The following ARVCF variants were observed in gnomAD, a reference collection of about 807,000 sequenced individuals.
ARVCF encodes the protein ARVCF delta catenin family member.
In ARVCF, 66 loss-of-function variants were observed where a neutral mutation model predicts 90.9. That is an observed-to-expected ratio of 0.73 (90% CI 0.60 to 0.89). The LOEUF (loss-of-function observed/expected upper bound fraction) is 0.89. Ranked by LOEUF, ARVCF falls within the 40% of genes least tolerant of loss-of-function variation. ARVCF has a pLI of 0.00. For synonymous variants in ARVCF, 653 were observed against 603.4 expected (o/e 1.08, Z -1.21); for missense variants, 1,469 against 1,382.3 (o/e 1.06, Z -1.00).
chr22:20,003,907 T>C (rs531090450), intron 2 of ARVCF, among the ~76,000 whole-genome samples: 89 of 152,166 alleles, frequency 5.8e-4, no homozygotes, highest in African/African-American at 1.9e-3. Flanking sequence ...ACATCCAAAT[T>C]AGAAAGAAAG....
Position 19,990,826 on chromosome 22 carries a change from A to C in ARVCF, c.-18-14T>G, listed in dbSNP as rs2146381642. 2 of 1,541,844 alleles carry C rather than the reference A, an allele frequency of 1.3e-6. No homozygotes were observed. Among genetic ancestry groups the C allele is most frequent in the East Asian group, 4.9e-5 (2 of 40,758 alleles). ...AGCGCCCGCCAGCTGCAGGCAAAGC[A>C]GAGTAAGCTCAGTGGGGTGGGGCAC... On this transcript the variant is annotated splice_polypyrimidine_tract_variant and intron_variant, in intron 2 of 19. Transcript: ENST00000263207.
rs1352032277 is a variant in ARVCF at position 19,981,930 on chromosome 22, T to C, written c.369+3A>G. On this transcript the variant is annotated splice_donor_region_variant and intron_variant, in intron 4 of 19. Coordinates refer to ENST00000263207, the MANE Select transcript of ARVCF (RefSeq NM_001670.3). The stretch of plus-strand genomic sequence containing the variant: ...CCCACCCACTGCCTGGGCCTGGCCA[T>C]ACCTTGGTCTCGGTGCGCCGGGTTG... 3.1e-6 allele frequency: 5 copies of C among 1,611,912 alleles called. No homozygotes were observed. The highest frequency in any genetic ancestry group is 4.2e-6 in the Non-Finnish European group (5 of 1,179,532).
chr22:19,974,811 C>T (rs1943059205), intron 11 of ARVCF, among the ~76,000 whole-genome samples: 2 of 152,218 alleles, frequency 1.3e-5, no homozygotes, highest in Non-Finnish European at 2.9e-5. Flanking sequence ...GCTGCCCTAG[C>T]AACAGGAGGC....
chr22:19,972,058 A>G, intron 17 of ARVCF, 87 bp from the exon 18 acceptor site: 1 of 1,295,146 alleles, frequency 7.7e-7, no homozygotes. Flanking sequence ...GACACAGGGG[A>G]CTCGTGGGAC....
At position 19,975,677 on chromosome 22, in the gene ARVCF, C is replaced by T; in HGVS notation, c.1960+9G>A. ...CCCAGTGGAGCTGGCTTCATCTCAG[C>T]CCACTCACCTTTGGCGGCCTCAGTT... On this transcript the variant is annotated intron_variant, in intron 11 of 19. Transcript: ENST00000263207. The T allele has an allele frequency of 6.2e-7, 1 of 1,613,468 alleles. No individual in the cohort carries two copies. Among genetic ancestry groups the T allele is most frequent in the South Asian group, 1.1e-5 (1 of 91,068 alleles).
intron 2 of ARVCF, among the ~76,000 whole-genome samples, chr22:19,997,238 C>A (rs560911133): frequency 6.6e-6 from 1 of 152,104 alleles, no homozygotes. Context: ...CTCTAGTGGC[C>A]GAACGAGCCC....
intron 11 of ARVCF, 35 bp downstream of exon 11, chr22:19,975,651 C>T: frequency 6.2e-7 from 1 of 1,611,718 alleles, no homozygotes; most frequent in Middle Eastern, 1.7e-4. Context: ...CCCAGACATC[C>T]CCCAGTGGAG....
At chr22:19,986,448 A>C (rs1943770273) in intron 3 of ARVCF, among the ~76,000 whole-genome samples, 1 of 152,060 alleles carries the variant, frequency 6.6e-6, no homozygotes, top group African/African-American at 2.4e-5. Flanking sequence ...TGAGAGGGGG[A>C]GGATCCCGTT....
At position 19,975,827 on chromosome 22, in the gene ARVCF, C is replaced by T. The variant is rs1303213072; in HGVS notation, c.1889-70G>A. On this transcript the variant is annotated intron_variant, in intron 10 of 19. Coordinates refer to ENST00000263207, the MANE Select transcript of ARVCF (RefSeq NM_001670.3). ...GAATGGGTGTATCAGGAGAGTTGGG[C>T]ACAGTTCTCTCCTACCCAGGCCCCA... 5.2e-6 allele frequency: 8 copies of T among 1,529,802 alleles called. No individual in the cohort carries two copies. The East Asian group carries it at 1.4e-4, about 26-fold the overall frequency. The allele number at this position is 1,529,802 out of a possible 1,614,324, so 94.8% of individuals were successfully genotyped here. A position where few individuals can be genotyped will look rare whatever the true frequency, so the allele number is the denominator to read the frequency against.
In ARVCF at chr22:19,971,271, G is replaced by A. The variant is rs1401865586; in HGVS notation, c.2846C>T (p.Ala949Val). The A allele has an allele frequency of 7.1e-6, 11 of 1,556,520 alleles. No homozygotes were observed. The highest frequency in any genetic ancestry group is 9.6e-6 in the Non-Finnish European group (11 of 1,149,448). ...PSRPAVRLVDAVGDAKPQPVD... is the reference protein window; with the variant it reads ...PSRPAVRLVDVVGDAKPQPVD... ...GGGCTGAGGCTTAGCGTCCCCTACG[G>A]CGTCCACCAGCCTGACCGCGGGCCT... The change falls in exon 19 of 20, where the codon GCC becomes GTC. Residue 949 changes from alanine to valine, a missense_variant. By Grantham distance (64) the Ala-to-Val change is moderately conservative (BLOSUM62 0). Transcript: ENST00000263207.
intron 2 of ARVCF, among the ~76,000 whole-genome samples, chr22:19,994,134 G>A (rs1342915138): frequency 2.6e-5 from 4 of 152,040 alleles, no homozygotes; most frequent in Non-Finnish European, 4.4e-5. Flanking sequence ...AATGAATGGA[G>A]GGTGGCTGGG....
chr22:20,008,259 C>A (rs1188620318), intron 2 of ARVCF, among the ~76,000 whole-genome samples: 1 of 152,178 alleles, frequency 6.6e-6, no homozygotes, highest in African/African-American at 2.4e-5. Flanking sequence ...AGGCACACGG[C>A]GGCTGATGGA....
rs746556144 is a variant in ARVCF, at chr22:19,972,946, A to G, written c.2529T>C (p.Gly843=). 2 of 1,613,834 alleles carry G rather than the reference A, an allele frequency of 1.2e-6. No homozygotes were observed. Among genetic ancestry groups the G allele is most frequent in the Non-Finnish European group, 8.5e-7 (1 of 1,180,018 alleles). The change falls in exon 15 of 20, where the codon GGT becomes GGC. Residue 843 remains glycine, a synonymous_variant. Transcript: ENST00000263207. ...KELRGTLQKD[G]WTKARFQSAA... ...GCACCTGGAAGCGCGCCTTGGTCCA[A>G]CCATCTTTCTGCAAGGTACCACGCA...
At chr22:19,974,280 T>A (rs748988551) in intron 11 of ARVCF, 41 bp from the exon 12 acceptor site, 1 of 1,563,838 alleles carries the variant, frequency 6.4e-7, no homozygotes, top group Non-Finnish European at 8.7e-7. Context: ...ACCCAGAATC[T>A]GCTCTCATCC....
intron 10 of ARVCF, among the ~76,000 whole-genome samples, chr22:19,976,348 C>T (rs557282015): frequency 1.3e-5 from 2 of 152,324 alleles, no homozygotes; most frequent in Admixed American, 6.5e-5. Flanking sequence ...CAGAAGGCAG[C>T]AGAGTGGAGC....
chr22:19,972,924 C>T lies in ARVCF; in HGVS notation c.2550+1G>A. 6.2e-7 allele frequency: 1 copy of T among 1,613,858 alleles called. No homozygotes were observed. Among genetic ancestry groups the T allele is most frequent in the Non-Finnish European group, 8.5e-7 (1 of 1,180,022 alleles). The stretch of plus-strand genomic sequence containing the variant: ...TGGAAGGAAGGCCAGGGAAGCCGCA[C>T]CTGGAAGCGCGCCTTGGTCCAACCA... On this transcript the variant is annotated splice_donor_variant, in intron 15 of 19. Coordinates refer to ENST00000263207, the MANE Select transcript of ARVCF (RefSeq NM_001670.3). LOFTEE classifies it high-confidence loss of function.
At chr22:19,973,571 G>A (rs750549306) in intron 13 of ARVCF, 72 bp downstream of exon 13, 45 of 1,540,464 alleles carry the variant, frequency 2.9e-5, no homozygotes, top group Admixed American at 3.7e-5. Context: ...CATCCTCCAA[G>A]CCCCTCCGAT....
At chr22:19,984,568 A>G (rs979032915) in intron 3 of ARVCF, among the ~76,000 whole-genome samples, 8 of 152,158 alleles carry the variant, frequency 5.3e-5, no homozygotes, top group Non-Finnish European at 1.0e-4. Context: ...ATGCCCAGGC[A>G]CACACACATG....
chr22:20,016,526 TCCCGGCTCCGACCCGAGGCCCCAG>T (rs1945186065), intron 1 of ARVCF, 39 bp downstream of exon 1: 1 of 151,842 alleles, frequency 6.6e-6, no homozygotes, highest in East Asian at 2.0e-4. Flanking sequence ...CCGCCCCCAG[TCCCGGCTCCGACCCGAGGCCCCAG>T]CCCCGGGTCC....
Sources: gnomAD v4.1 joint callset for allele counts (sites outside exome capture counted in the v4.1 genomes callset) on GRCh38, gnomAD v4.1.1 for gene constraint, MANE v1.5 for transcripts, NCBI Gene and HGNC (gene_info 2026-07-23, HGNC 2026-07-21) for gene names.